The following FYCO1 variants were observed in gnomAD, a reference collection of about 807,000 sequenced individuals.
The protein encoded by FYCO1 is FYVE and coiled-coil domain autophagy adaptor 1, also known as FYVE and coiled-coil domain-containing protein 1.
Under a neutral mutation model 165.1 loss-of-function variants are expected in FYCO1, and 122 were observed. That is an observed-to-expected ratio of 0.74 (90% CI 0.64 to 0.86). The LOEUF (loss-of-function observed/expected upper bound fraction) is 0.86, where lower values mean the gene tolerates loss of function less well. Ranked by LOEUF, FYCO1 falls within the 40% of genes least tolerant of loss-of-function variation. The pLI is 0.00. For missense variants in FYCO1, 1,702 were observed against 1,810.3 expected (o/e 0.94, Z 1.09); for synonymous variants, 648 against 742.5 (o/e 0.87, Z 2.07).
chr3:45,947,145 G>A, intron 14 of FYCO1: 2 of 1,614,172 alleles, frequency 1.2e-6, no homozygotes, highest in Admixed American at 1.7e-5. Context: ...GCTTCATGCT[G>A]GAGGCTTCCA....
intron 2 of FYCO1, among the ~76,000 whole-genome samples, chr3:45,983,182 C>T (rs186506526): frequency 6.6e-6 from 1 of 152,278 alleles, no homozygotes; most frequent in East Asian, 1.9e-4. Context: ...AGGGACTTGT[C>T]CAACATTTTC....
chr3:45,941,609 T>G (rs538856781), intron 14 of FYCO1, among the ~76,000 whole-genome samples: 1 of 152,226 alleles, frequency 6.6e-6, no homozygotes, highest in Non-Finnish European at 1.5e-5. Flanking sequence ...TGAAAGTCTT[T>G]TGTACTATAG....
chr3:45,933,429 C>T (rs762072009), intron 15 of FYCO1, among the ~76,000 whole-genome samples: 1 of 152,182 alleles, frequency 6.6e-6, no homozygotes, highest in Non-Finnish European at 1.5e-5. Flanking sequence ...CCGACCTATT[C>T]TCCATACTGT....
At chr3:45,955,110 G>A (rs1401357022) in intron 14 of FYCO1, 139 bp downstream of exon 14, 7 of 1,020,780 alleles carry the variant, frequency 6.9e-6, no homozygotes, top group Non-Finnish European at 1.1e-5. Flanking sequence ...TGCTCTTCAA[G>A]GCCATCGCAA....
intron 5 of FYCO1, 52 bp downstream of exon 5, chr3:45,975,187 A>T: frequency 8.5e-7 from 1 of 1,177,842 alleles, no homozygotes; most frequent in Non-Finnish European, 1.3e-6. Context: ...AATGAACTTT[A>T]GTTCATTTCT....
chr3:45,956,337 AAAATAAATAAATAAATAAATAAAT>A (rs56249293), intron 13 of FYCO1, among the ~76,000 whole-genome samples: 4 of 149,164 alleles, frequency 2.7e-5, no homozygotes, highest in African/African-American at 1.0e-4. Flanking sequence ...CTTAGTCTCA[AAAATAAATAAATAAATAAATAAAT>A]AAATAAATAA....
At chr3:45,977,394 TATATATATATATAAAG>T (rs1486955220) in intron 4 of FYCO1, among the ~76,000 whole-genome samples, 11 of 42,844 alleles carry the variant, frequency 2.6e-4, no homozygotes, top group African/African-American at 6.2e-4. Flanking sequence ...TATATATATA[TATATATATATATAAAG>T]GGAACTATTT....
intron 1 of FYCO1, among the ~76,000 whole-genome samples, chr3:45,989,985 T>C (rs1401944290): frequency 6.6e-6 from 1 of 152,170 alleles, no homozygotes; most frequent in African/African-American, 2.4e-5. Context: ...CTGGAACAAC[T>C]GCATCAATAA....
chr3:45,967,631 C>T lies in FYCO1; in HGVS notation c.1703G>A (p.Gly568Asp). ...AGGGACCAGGGCCTCATTCTTCTCA[C>T]CTGCCACTGGCAGTTCTGGGCCAGG... ...GPPGPELPVAGEKNEALVPVN... is the reference protein window; with the variant it reads ...GPPGPELPVADEKNEALVPVN... Residue 568 changes from glycine (G) to aspartate (D), a missense_variant, in exon 8 of 18, where the codon GGT (glycine) becomes GAT (aspartate). By Grantham distance (94) the Gly-to-Asp change is moderately conservative. Transcript: ENST00000296137. 6.2e-7 allele frequency: 1 copy of T among 1,614,008 alleles called. No individual in the cohort carries two copies. The highest frequency in any genetic ancestry group is 8.5e-7 in the Non-Finnish European group (1 of 1,180,038).
chr3:45,925,233 A>ATT (rs373178527), intron 16 of FYCO1, among the ~76,000 whole-genome samples: 21,954 of 144,318 alleles, frequency 0.15, 2,029 homozygotes, highest in East Asian at 0.3. Flanking sequence ...CAGCCCTTAC[A>ATT]TTTTTTTTTT....
intron 1 of FYCO1, among the ~76,000 whole-genome samples, chr3:45,986,073 C>T (rs1023158295): frequency 7.2e-5 from 11 of 152,186 alleles, no homozygotes; most frequent in African/African-American, 2.2e-4. Flanking sequence ...CAGATAACAT[C>T]GTCCCTGTTT....
chr3:45,962,245 C>G lies in FYCO1; in HGVS notation c.3417G>C (p.Glu1139Asp). 1 of 1,614,266 alleles carries G rather than the reference C, an allele frequency of 6.2e-7. No homozygotes were observed. The change falls in exon 11 of 18, where the codon GAG becomes GAC. Residue 1139 changes from glutamate (E) to aspartate (D), a missense_variant. Transcript: ENST00000296137. The surrounding 1 kb of genome is among the most constrained non-coding windows in gnomAD (Gnocchi z 4.4). Reference protein sequence around the residue: ...DLNRTKKYLEERLIELLRDKD... With the variant: ...DLNRTKKYLEDRLIELLRDKD... ...CTCACCTGAGCAGCTCTATCAGCCG[C>G]TCCTCGAGATACTTCTTGGTTCTGT...
chr3:45,976,745 T>TG (rs1393668926), intron 4 of FYCO1, among the ~76,000 whole-genome samples: 7 of 152,236 alleles, frequency 4.6e-5, no homozygotes, highest in African/African-American at 1.4e-4. Flanking sequence ...CCTGATTCAA[T>TG]GGGGTAAACA....
intron 14 of FYCO1, chr3:45,947,723 A>G (rs1398061040): frequency 9.0e-6 from 5 of 557,538 alleles, no homozygotes; most frequent in Non-Finnish European, 1.3e-5. Flanking sequence ...GGGGTCTAAA[A>G]TTTTTAAGGA....
At chr3:45,946,771 T>C (rs1459739633) in intron 14 of FYCO1, 2 of 1,614,118 alleles carry the variant, frequency 1.2e-6, no homozygotes, top group East Asian at 4.5e-5. Context: ...GAATGGGTGT[T>C]TGGCCAGGTC....
chr3:45,975,175 T>C, intron 5 of FYCO1, 64 bp downstream of exon 5: 1 of 1,042,972 alleles, frequency 9.6e-7, no homozygotes, highest in South Asian at 1.3e-5. Flanking sequence ...GTCATTATTA[T>C]TAATGAACTT....
chr3:45,923,210 T>C (rs1703168910), intron 17 of FYCO1, among the ~76,000 whole-genome samples: 2 of 152,290 alleles, frequency 1.3e-5, no homozygotes, highest in African/African-American at 4.8e-5. Context: ...TATCTCAAGC[T>C]CTGCCCTTCC....
At position 45,944,442 on chromosome 3, in the gene FYCO1, A is replaced by T. The variant is rs369520566; in HGVS notation, c.3945-7899T>A. Among the ~76,000 whole-genome samples the T allele has an allele frequency of 2.6e-5, 4 of 152,270 alleles. No homozygotes were observed. The South Asian group carries it at 8.3e-4, about 32-fold the overall frequency. The stretch of plus-strand genomic sequence containing the variant: ...CCAAAATCAGTAAAAATACTTCCTA[A>T]ACATTTAAGTATATTCTATTTTATG... On this transcript the variant is annotated intron_variant, in intron 14 of 17. Coordinates refer to ENST00000296137, the MANE Select transcript of FYCO1 (RefSeq NM_024513.4).
At chr3:45,972,440 C>T (rs931921351) in intron 6 of FYCO1, among the ~76,000 whole-genome samples, 4 of 152,216 alleles carry the variant, frequency 2.6e-5, no homozygotes, top group Admixed American at 2.6e-4. Flanking sequence ...GCCTTATAAA[C>T]AGAAAGCAAA....
Sources: allele counts gnomAD v4.1 joint callset (sites outside exome capture counted in the v4.1 genomes callset), GRCh38; gene constraint gnomAD v4.1.1; non-coding constraint Gnocchi (gnomAD v3.1); transcripts MANE v1.5; gene names NCBI Gene and HGNC (gene_info 2026-07-23, HGNC 2026-07-21).